Variants in PLEKHS1 observed in about 807,000 individuals in gnomAD.
PLEKHS1 encodes the protein pleckstrin homology domain containing S1.
A neutral mutation model predicts 51.0 loss-of-function variants in PLEKHS1; 55 were observed. The ratio of observed to expected loss-of-function variants is 1.08; its 90% CI spans 0.87 to 1.35. PLEKHS1 has a LOEUF of 1.35. Ranked by LOEUF, PLEKHS1 falls within the 40% of genes most tolerant of loss-of-function variation. PLEKHS1 has a pLI of 0.00. For missense variants in PLEKHS1, 398 were observed against 423.0 expected (o/e 0.94, Z 0.52); for synonymous variants, 153 against 144.8 (o/e 1.06, Z -0.41).
intron 11 of PLEKHS1, among the ~76,000 whole-genome samples, chr10:113,780,370 T>G (rs1844828341): frequency 6.6e-6 from 1 of 152,098 alleles, no homozygotes; most frequent in African/African-American, 2.4e-5. Context: ...CCTGGATCCT[T>G]CCTTAAAAGC....
chr10:113,762,995 A>AAAATCAAT (rs1301836356), intron 2 of PLEKHS1, among the ~76,000 whole-genome samples: 2 of 152,132 alleles, frequency 1.3e-5, no homozygotes, highest in Non-Finnish European at 2.9e-5. Flanking sequence ...CAAAATTTAA[A>AAAATCAAT]AAATCAATTT....
At chr10:113,765,105 C>T (rs1844100706) in intron 2 of PLEKHS1, 1 of 365,944 alleles carries the variant, frequency 2.7e-6, no homozygotes, top group African/African-American at 2.1e-5. Flanking sequence ...TCTTTGTATG[C>T]CTGGTAAACT....
At chr10:113,769,992 C>A (rs1355874065) in intron 7 of PLEKHS1, 92 bp downstream of exon 7, 16 of 905,076 alleles carry the variant, frequency 1.8e-5, no homozygotes, top group Non-Finnish European at 2.6e-5. Flanking sequence ...TTTAACCATG[C>A]CCACCTTCCT....
exon 12 of PLEKHS1, chr10:113,781,245 CAACACCTCCTTCCCAACACCTCCTTCCCA>C (rs1844858268): frequency 9.1e-6 from 1 of 109,636 alleles, no homozygotes. Context: ...ACATCCTTCC[CAACACCTCCTTCCCAACACCTCCTTCCCA>C]AACACCTCCT....
chr10:113,753,852 G>A (rs1379089840), intron 1 of PLEKHS1, among the ~76,000 whole-genome samples: 4 of 151,646 alleles, frequency 2.6e-5, no homozygotes, highest in Non-Finnish European at 4.4e-5. Context: ...GCTCTATCAC[G>A]CAGGCTGGAG....
At chr10:113,780,928 C>T in exon 12 of PLEKHS1, 2 of 720,364 alleles carry the variant, frequency 2.8e-6, no homozygotes, top group Non-Finnish European at 4.4e-6. Context: ...ACTATCCCCT[C>T]TCTGGTTATT....
In PLEKHS1 at chr10:113,767,344, G is replaced by C; in HGVS notation, c.225-1G>C. The C allele has an allele frequency of 1.3e-6, 2 of 1,594,814 alleles. No individual in the cohort carries two copies. The highest frequency in any genetic ancestry group is 2.3e-5 in the South Asian group (2 of 87,780). On this transcript the variant is annotated splice_acceptor_variant, in intron 4 of 11. Transcript: ENST00000361048. LOFTEE classifies it high-confidence loss of function. ...TAATACTTTGTGTCTATATCTAATAGAAATTCCAGTGTAGAAGTTGGCATA... is the reference window on the plus strand; with the variant it reads ...TAATACTTTGTGTCTATATCTAATACAAATTCCAGTGTAGAAGTTGGCATA...
chr10:113,753,352 A>G (rs1031033337), intron 1 of PLEKHS1, among the ~76,000 whole-genome samples: 1 of 152,166 alleles, frequency 6.6e-6, no homozygotes, highest in Non-Finnish European at 1.5e-5. Context: ...AATCTCAGGG[A>G]TAATTTTTTA....
At chr10:113,769,530 G>C (rs150600273) in intron 6 of PLEKHS1, among the ~76,000 whole-genome samples, 98 of 152,326 alleles carry the variant, frequency 6.4e-4, no homozygotes, top group African/African-American at 2.3e-3. Flanking sequence ...GTCAGAAAGA[G>C]ACACAGTTGA....
intron 11 of PLEKHS1, chr10:113,777,800 A>G: frequency 7.0e-7 from 1 of 1,431,754 alleles, no homozygotes. Flanking sequence ...TCACAGCCCT[A>G]ACTTCCTCAT....
chr10:113,766,560 A>G, intron 3 of PLEKHS1, 52 bp from the exon 4 acceptor site: 1 of 1,588,738 alleles, frequency 6.3e-7, no homozygotes, highest in East Asian at 2.2e-5. Flanking sequence ...TTTAAAAATC[A>G]TTTCTTTTCC....
intron 11 of PLEKHS1, chr10:113,777,199 C>T: frequency 1.2e-6 from 2 of 1,612,806 alleles, no homozygotes; most frequent in Non-Finnish European, 1.7e-6. Context: ...CAGTGAATGA[C>T]CTGAAACCCC....
intron 7 of PLEKHS1, among the ~76,000 whole-genome samples, chr10:113,770,811 T>A (rs939243015): frequency 5.3e-5 from 8 of 152,192 alleles, no homozygotes; most frequent in Non-Finnish European, 8.8e-5. Context: ...ACATTATTGG[T>A]CACTTTGCCT....
intron 2 of PLEKHS1, among the ~76,000 whole-genome samples, chr10:113,756,899 C>T (rs1854140095): frequency 6.8e-6 from 1 of 146,978 alleles, no homozygotes; most frequent in Non-Finnish European, 1.5e-5. Flanking sequence ...GTCAGATCCA[C>T]ATTTTAGATT....
chr10:113,775,083 C>T, intron 10 of PLEKHS1, 48 bp downstream of exon 10: 1 of 1,476,874 alleles, frequency 6.8e-7, no homozygotes. Context: ...AGCAAGGCAG[C>T]CTCCCTCCCA....
chr10:113,777,016 T>C, intron 11 of PLEKHS1, 108 bp from the exon 12 acceptor site: 8 of 1,255,788 alleles, frequency 6.4e-6, no homozygotes, highest in Non-Finnish European at 8.9e-6. Flanking sequence ...GGAGATAGTC[T>C]ACTTCAGAGG....
chr10:113,775,040 A>G lies in PLEKHS1; in HGVS notation c.989+5A>G, dbSNP rs1451317074. The G allele has an allele frequency of 6.2e-7, 1 of 1,612,836 alleles. No individual in the cohort carries two copies. Among genetic ancestry groups the G allele is most frequent in the South Asian group, 1.1e-5 (1 of 91,016 alleles). On this transcript the variant is annotated splice_donor_5th_base_variant and intron_variant, in intron 10 of 11. Transcript: ENST00000361048. ...GCAATTGTCTATATTAATCAAGTAA[A>G]GCTCTAATTTCTAAAACTTGATGGG...
intron 2 of PLEKHS1, among the ~76,000 whole-genome samples, chr10:113,758,962 C>T (rs1317244327): frequency 6.6e-6 from 1 of 151,872 alleles, no homozygotes; most frequent in Non-Finnish European, 1.5e-5. Flanking sequence ...AAAAAATGGT[C>T]CCAGTAGACT....
At position 113,768,856 on chromosome 10, in the gene PLEKHS1, G is replaced by T. The variant is rs7895622; in HGVS notation, c.401G>T (p.Arg134Leu). The T allele has an allele frequency of 1.8e-5, 29 of 1,613,382 alleles. No individual in the cohort carries two copies. Among genetic ancestry groups the T allele is most frequent in the Non-Finnish European group, 2.5e-5 (29 of 1,179,850 alleles). ...TGGGTCTCCTTCATGTCATCATTTC[G>T]CCAGGATATAAAAGCAACACAGCAG... The change falls in exon 6 of 12, where the codon CGC (arginine) becomes CTC (leucine). Residue 134 changes from arginine (R) to leucine (L), a missense_variant. Physicochemically the swap from Arg to Leu is moderately radical, Grantham distance 102 (BLOSUM62 -2). Coordinates refer to ENST00000361048, the Ensembl canonical transcript of PLEKHS1.
Sources: gnomAD v4.1 joint callset for allele counts (sites outside exome capture counted in the v4.1 genomes callset) on GRCh38, gnomAD v4.1.1 for gene constraint, MANE v1.5 for transcripts, NCBI Gene and HGNC (gene_info 2026-07-23, HGNC 2026-07-21) for gene names.